ADAMTS16: variants seen among roughly 807,000 people sequenced by gnomAD.
The protein encoded by ADAMTS16 is ADAM metallopeptidase with thrombospondin type 1 motif 16.
A neutral mutation model predicts 145.8 loss-of-function variants in ADAMTS16; 94 were observed. The observed-to-expected ratio is 0.64, with a 90% confidence interval of 0.55 to 0.77. ADAMTS16 has a LOEUF of 0.77. ADAMTS16 is among the 30% of genes least tolerant of loss of function. ADAMTS16 has a pLI of 0.00. For synonymous variants in ADAMTS16, 659 were observed against 604.3 expected, an observed-to-expected ratio of 1.09 and a Z score of -1.33; for missense variants, 1,585 against 1,591.5, an observed-to-expected ratio of 1.00 and a Z score of 0.07.
chr5:5,217,664 A>T (rs1736474865), intron 10 of ADAMTS16, among the ~76,000 whole-genome samples: 1 of 152,170 alleles, frequency 6.6e-6, no homozygotes. Flanking sequence ...TTAAACCTTA[A>T]CCAAGTTGGT....
At position 5,170,708 on chromosome 5, in the gene ADAMTS16, AT is replaced by A. The variant is rs71604108; in HGVS notation, c.502-11325del. On this transcript the variant is annotated intron_variant, in intron 3 of 22. Coordinates refer to ENST00000274181, the MANE Select transcript of ADAMTS16 (RefSeq NM_139056.4). ...GCCCATTGCTAAATCAAATTCTTAG[AT>A]TTTTTTTTTTCCTGTAGAGTTGTTT... Among the ~76,000 whole-genome samples the A allele has an allele frequency of 6.0e-3, 889 of 148,742 alleles. 16 individuals are homozygous for A. Among genetic ancestry groups the A allele is most frequent in the Admixed American group, 0.032 (480 of 14,976 alleles).
chr5:5,198,674 C>T (rs1735873652), intron 8 of ADAMTS16, among the ~76,000 whole-genome samples: 1 of 152,150 alleles, frequency 6.6e-6, no homozygotes, highest in Non-Finnish European at 1.5e-5. Flanking sequence ...ATGGTGCGTG[C>T]TTATAAATGT....
chr5:5,206,345 G>T (rs1202523679), intron 9 of ADAMTS16, among the ~76,000 whole-genome samples: 1 of 118,942 alleles, frequency 8.4e-6, no homozygotes, highest in African/African-American at 3.2e-5. Flanking sequence ...AGAATGGCGT[G>T]AACCCGGGAG....
intron 18 of ADAMTS16, among the ~76,000 whole-genome samples, chr5:5,277,300 C>T (rs951088936): frequency 3.9e-5 from 6 of 152,198 alleles, no homozygotes; most frequent in African/African-American, 1.4e-4. Flanking sequence ...TATACTACAG[C>T]ATGTGTTCAG....
At chr5:5,304,982 T>C (rs533982539) in intron 20 of ADAMTS16, among the ~76,000 whole-genome samples, 18 of 63,386 alleles carry the variant, frequency 2.8e-4, no homozygotes, top group African/African-American at 5.7e-4. Flanking sequence ...CACACACACA[T>C]CCTACACCAC....
intron 2 of ADAMTS16, 84 bp downstream of exon 2, chr5:5,140,850 A>T: frequency 1.9e-5 from 25 of 1,304,550 alleles, no homozygotes; most frequent in Middle Eastern, 3.9e-4. Context: ...GGTGCTGTGA[A>T]TGTTCACGAC....
intron 21 of ADAMTS16, among the ~76,000 whole-genome samples, chr5:5,313,780 G>C (rs1291534644): frequency 1.3e-5 from 2 of 152,382 alleles, no homozygotes; most frequent in South Asian, 2.1e-4. Flanking sequence ...ATGTGCCTGC[G>C]TGTGTACGCA....
chr5:5,279,276 AAG>A lies in ADAMTS16; in HGVS notation c.2789+16496_2789+16497del, dbSNP rs1738811412. 4.6e-5 allele frequency among the ~76,000 whole-genome samples: 7 copies of A among 152,320 alleles called. No homozygotes were observed. In the South Asian group the frequency reaches 1.5e-3, roughly 32 times the overall value. On this transcript the variant is annotated intron_variant, in intron 18 of 22. Transcript: ENST00000274181. The stretch of plus-strand genomic sequence containing the variant: ...TGCCTCCAAGGCTTCTCAGCTAACA[AAG>A]AGTTAGAGAACAGGATTCTGGGGTG...
intron 10 of ADAMTS16, among the ~76,000 whole-genome samples, chr5:5,222,304 G>T (rs1049429075): frequency 6.3e-5 from 9 of 143,450 alleles, no homozygotes; most frequent in Non-Finnish European, 1.2e-4. Context: ...GGGGATGGTG[G>T]ATGCATGGTT....
At chr5:5,277,059 A>G (rs941076218) in intron 18 of ADAMTS16, among the ~76,000 whole-genome samples, 8 of 152,242 alleles carry the variant, frequency 5.3e-5, no homozygotes, top group African/African-American at 1.4e-4. Context: ...CAGATGCTAA[A>G]TGTGTTGGAC....
At chr5:5,199,990 A>C (rs1046465128) in intron 8 of ADAMTS16, 142 bp from the exon 9 acceptor site, 1 of 967,670 alleles carries the variant, frequency 1.0e-6, no homozygotes. Flanking sequence ...ACCAATTGGC[A>C]GTTGTGACTT....
At chr5:5,167,455 T>A (rs923588134) in intron 3 of ADAMTS16, among the ~76,000 whole-genome samples, 1 of 152,254 alleles carries the variant, frequency 6.6e-6, no homozygotes, top group African/African-American at 2.4e-5. Context: ...GTCTTTGGAA[T>A]GTACAGGTAC....
chr5:5,185,483 A>C (rs1240342565), intron 4 of ADAMTS16, among the ~76,000 whole-genome samples: 2 of 152,210 alleles, frequency 1.3e-5, no homozygotes, highest in African/African-American at 4.8e-5. Flanking sequence ...CAAATACATA[A>C]ATATTTATGG....
At chr5:5,143,807 A>C (rs1367053269) in intron 2 of ADAMTS16, among the ~76,000 whole-genome samples, 2 of 152,220 alleles carry the variant, frequency 1.3e-5, no homozygotes, top group Non-Finnish European at 2.9e-5. Context: ...CCATAAAAAA[A>C]GAATGAGTTC....
chr5:5,270,943 G>A (rs368717653), intron 18 of ADAMTS16, among the ~76,000 whole-genome samples: 7 of 152,214 alleles, frequency 4.6e-5, no homozygotes, highest in African/African-American at 1.2e-4. Context: ...GGAATAAGCC[G>A]CACTCTCCTT....
chr5:5,170,179 A>G (rs1195980385), intron 3 of ADAMTS16, among the ~76,000 whole-genome samples: 1 of 152,074 alleles, frequency 6.6e-6, no homozygotes, highest in African/African-American at 2.4e-5. Context: ...GTATACGAGG[A>G]TTCCCTCTTC....
intron 4 of ADAMTS16, among the ~76,000 whole-genome samples, chr5:5,184,038 G>A (rs1735422518): frequency 1.3e-5 from 2 of 152,188 alleles, no homozygotes; most frequent in Non-Finnish European, 2.9e-5. Context: ...GTATGCAGGT[G>A]ATAGTACTAC....
chr5:5,319,204 G>A lies in ADAMTS16; in HGVS notation c.*66G>A, dbSNP rs1460209701. 4 of 1,210,840 alleles carry A rather than the reference G, an allele frequency of 3.3e-6. No individual in the cohort carries two copies. The highest frequency in any genetic ancestry group is 4.8e-6 in the Non-Finnish European group (4 of 837,850). 75.0% of individuals were successfully genotyped at this position (1,210,840 alleles called of 1,614,324 possible). A position where few individuals can be genotyped will look rare whatever the true frequency, so the allele number is the denominator to read the frequency against. On this transcript the variant is annotated 3_prime_UTR_variant, in exon 23 of 23. Coordinates refer to ENST00000274181, the MANE Select transcript of ADAMTS16 (RefSeq NM_139056.4). ...CACAGAAATTTCCCACAAATGAGCTGTGCAATCTACGTCGGAATACATCCA... is the reference window on the plus strand; with the variant it reads ...CACAGAAATTTCCCACAAATGAGCTATGCAATCTACGTCGGAATACATCCA...
intron 8 of ADAMTS16, 130 bp downstream of exon 8, chr5:5,191,920 CA>C: frequency 3.0e-6 from 2 of 659,710 alleles, no homozygotes; most frequent in Admixed American, 5.8e-5. Context: ...ATGCCATTGA[CA>C]GTTATAAAAT....
Sources: gnomAD v4.1 joint callset for allele counts (sites outside exome capture counted in the v4.1 genomes callset) on GRCh38, gnomAD v4.1.1 for gene constraint, MANE v1.5 for transcripts, NCBI Gene and HGNC (gene_info 2026-07-23, HGNC 2026-07-21) for gene names.